ZNF474: variants seen among roughly 807,000 people sequenced by gnomAD.
ZNF474 encodes zinc finger protein 474.
For synonymous variants in ZNF474, 192 were observed against 162.2 expected, an observed-to-expected ratio of 1.18 and a Z score of -1.39; for missense variants, 511 against 433.8, an observed-to-expected ratio of 1.18 and a Z score of -1.58.
intron 1 of ZNF474, among the ~76,000 whole-genome samples, chr5:122,136,550 G>A (rs956491647): frequency 6.6e-6 from 1 of 152,154 alleles, no homozygotes; most frequent in African/African-American, 2.4e-5. Context: ...TATTCTGGTT[G>A]CTCACTACTT....
At chr5:122,149,885 CTGTGTG>C (rs35051222) in intron 1 of ZNF474, among the ~76,000 whole-genome samples, 10 of 141,476 alleles carry the variant, frequency 7.1e-5, no homozygotes, top group Admixed American at 1.4e-4. Context: ...AGAATTGACT[CTGTGTG>C]TGTGTGTGTG....
chr5:122,133,886 A>G (rs1353972720), intron 1 of ZNF474, among the ~76,000 whole-genome samples: 1 of 152,202 alleles, frequency 6.6e-6, no homozygotes, highest in Non-Finnish European at 1.5e-5. Context: ...TTCAAATCTT[A>G]TCTATTATTT....
intron 1 of ZNF474, among the ~76,000 whole-genome samples, chr5:122,144,800 C>A (rs999096280): frequency 6.6e-6 from 1 of 152,080 alleles, no homozygotes; most frequent in Non-Finnish European, 1.5e-5. Context: ...ATATTATAGG[C>A]CTCTAATGTG....
intron 1 of ZNF474, among the ~76,000 whole-genome samples, chr5:122,144,645 T>G (rs1755938913): frequency 1.3e-5 from 2 of 152,210 alleles, no homozygotes; most frequent in South Asian, 4.1e-4. Context: ...TAAACAATAT[T>G]GAAAAAGACA....
chr5:122,139,304 GA>G (rs1755778651), intron 1 of ZNF474, among the ~76,000 whole-genome samples: 1 of 152,158 alleles, frequency 6.6e-6, no homozygotes, highest in Non-Finnish European at 1.5e-5. Flanking sequence ...AGTAGCACAG[GA>G]ATGCTGTTTT....
intron 1 of ZNF474, among the ~76,000 whole-genome samples, chr5:122,130,023 G>T (rs1755541915): frequency 6.6e-6 from 1 of 152,090 alleles, no homozygotes; most frequent in Admixed American, 6.6e-5. Flanking sequence ...TTAAAAGAAT[G>T]ATTTTTAAAA....
At chr5:122,138,647 A>T (rs1240699711) in intron 1 of ZNF474, among the ~76,000 whole-genome samples, 2 of 152,196 alleles carry the variant, frequency 1.3e-5, no homozygotes, top group Non-Finnish European at 2.9e-5. Flanking sequence ...ATCATCACTA[A>T]ATAAGTGTCA....
chr5:122,139,796 C>G (rs1755789302), intron 1 of ZNF474, among the ~76,000 whole-genome samples: 1 of 152,166 alleles, frequency 6.6e-6, no homozygotes, highest in African/African-American at 2.4e-5. Flanking sequence ...TCTGCACGTT[C>G]CTGCCCTGGG....
intron 1 of ZNF474, among the ~76,000 whole-genome samples, chr5:122,134,578 C>T (rs933873021): frequency 6.6e-6 from 1 of 152,178 alleles, no homozygotes; most frequent in Admixed American, 6.5e-5. Flanking sequence ...ATAAACATGG[C>T]TGTATTTCAA....
chr5:122,151,766 C>T lies in ZNF474; in HGVS notation c.-212-13C>T. 1 of 492,892 alleles carries T rather than the reference C, an allele frequency of 2.0e-6. No individual in the cohort carries two copies. Among genetic ancestry groups the T allele is most frequent in the African/African-American group, 1.9e-5 (1 of 51,314 alleles). 30.5% of individuals were successfully genotyped at this position (492,892 alleles called of 1,614,324 possible). A position where few individuals can be genotyped will look rare whatever the true frequency, so the allele number is the denominator to read the frequency against. On this transcript the variant is annotated splice_polypyrimidine_tract_variant and intron_variant, in intron 1 of 1. Coordinates refer to ENST00000296600, the MANE Select transcript of ZNF474 (RefSeq NM_207317.3). ...ACATAATAACTTCTTATGTCTCCCA[C>T]CCGCCTCCACAGATCTTGGAGACAT...
intron 1 of ZNF474, among the ~76,000 whole-genome samples, chr5:122,150,280 C>G (rs1003868997): frequency 2.6e-5 from 4 of 152,194 alleles, no homozygotes; most frequent in African/African-American, 9.7e-5. Flanking sequence ...CTGGGGCCAA[C>G]ACATACTTTT....
chr5:122,153,326 A>G lies in ZNF474; in HGVS notation c.*241A>G, dbSNP rs1756250196. Reference sequence around the variant, plus strand: ...ACTTCTTTCTTCCCTGATCCCTGATACAAATAATCCCTGGGAGAGACAGTA... The same window carrying G: ...ACTTCTTTCTTCCCTGATCCCTGATGCAAATAATCCCTGGGAGAGACAGTA... On this transcript the variant is annotated 3_prime_UTR_variant, in exon 2 of 2. Transcript: ENST00000296600. The G allele has an allele frequency of 2.8e-5, 13 of 471,470 alleles. No individual in the cohort carries two copies. In the South Asian group the frequency reaches 7.9e-4, roughly 29 times the overall value. The allele number at this position is 471,470 out of a possible 1,614,324, so 29.2% of individuals were successfully genotyped here.
intron 1 of ZNF474, among the ~76,000 whole-genome samples, chr5:122,149,852 C>T (rs1756116227): frequency 6.6e-6 from 1 of 150,888 alleles, no homozygotes; most frequent in Non-Finnish European, 1.5e-5. Context: ...GGGGATTTCT[C>T]AGTATTCTAA....
intron 1 of ZNF474, among the ~76,000 whole-genome samples, chr5:122,146,288 CT>C (rs1755987154): frequency 6.6e-6 from 1 of 152,040 alleles, no homozygotes; most frequent in African/African-American, 2.4e-5. Context: ...AAGTTAATAA[CT>C]GGCACAATTT....
Position 122,152,752 on chromosome 5 carries a change from C to G in ZNF474, c.762C>G (p.Leu254=). The G allele has an allele frequency of 6.2e-7, 1 of 1,614,138 alleles. No homozygotes were observed. Among genetic ancestry groups the G allele is most frequent in the Non-Finnish European group, 8.5e-7 (1 of 1,180,034 alleles). The change falls in exon 2 of 2, where the codon CTC becomes CTG. Residue 254 remains leucine, a synonymous_variant. Transcript: ENST00000296600. ...LEKWKMENDR[L]PVELHQPLPQ... ...AGTGGAAAATGGAAAATGACCGGCT[C>G]CCTGTGGAGCTCCACCAGCCACTCC...
intron 1 of ZNF474, among the ~76,000 whole-genome samples, chr5:122,144,366 C>T (rs747788092): frequency 1.8e-4 from 28 of 152,082 alleles, no homozygotes; most frequent in Admixed American, 1.0e-3. Context: ...TTAGTGAATC[C>T]GGCTAGTGAG....
rs116006767 is a variant in ZNF474 at position 122,152,990 on chromosome 5, C to A, written c.1000C>A (p.Gln334Lys). The A allele has an allele frequency of 1.2e-6, 2 of 1,614,028 alleles. No homozygotes were observed. The highest frequency in any genetic ancestry group is 1.7e-6 in the Non-Finnish European group (2 of 1,180,032). Residue 334 changes from glutamine to lysine, a missense_variant, in exon 2 of 2, where the codon CAG becomes AAG. Gln to Lys is a moderately conservative substitution (Grantham distance 53). Coordinates refer to ENST00000296600, the MANE Select transcript of ZNF474 (RefSeq NM_207317.3). ...CCTAAAAGAGTACACTAATTCCAAG[C>A]AGCAAAGGAACAGGGCAGCACCCAG... ...GGLKEYTNSKQQRNRAAPSVT... is the reference protein window; with the variant it reads ...GGLKEYTNSKKQRNRAAPSVT...
intron 1 of ZNF474, among the ~76,000 whole-genome samples, chr5:122,150,554 C>G (rs1056706051): frequency 6.6e-6 from 1 of 152,124 alleles, no homozygotes; most frequent in African/African-American, 2.4e-5. Context: ...AGCTTCATAC[C>G]AGGGGCTGCT....
chr5:122,131,469 T>C (rs1158675724), intron 1 of ZNF474, among the ~76,000 whole-genome samples: 1 of 152,094 alleles, frequency 6.6e-6, no homozygotes, highest in Admixed American at 6.5e-5. Flanking sequence ...TAGAATATTA[T>C]TGAACCTTAA....
Sources: allele counts gnomAD v4.1 joint callset (sites outside exome capture counted in the v4.1 genomes callset), GRCh38; gene constraint gnomAD v4.1.1; transcripts MANE v1.5; gene names NCBI Gene and HGNC (gene_info 2026-07-23, HGNC 2026-07-21).